Variants in IFIT3 observed in about 807,000 individuals in gnomAD.
IFIT3 encodes interferon-induced protein with tetratricopeptide repeats 3.
In IFIT3, 2 loss-of-function variants were observed where a neutral mutation model predicts 2.4. The observed-to-expected ratio is 0.82, with a 90% CI of 0.34 to 2.60. The LOEUF (loss-of-function observed/expected upper bound fraction) is 2.60, where lower values mean the gene tolerates loss of function less well. Among genes scored for constraint, IFIT3 ranks in the 30% most tolerant of loss-of-function variants. The pLI, the probability that IFIT3 is intolerant of heterozygous loss-of-function variation, is 0.11. For synonymous variants in IFIT3, 203 were observed against 212.1 expected (o/e 0.96, Z 0.37); for missense variants, 481 against 562.4 (o/e 0.86, Z 1.46).
At chr10:89,329,796 C>G (rs536309620) in intron 1 of IFIT3, among the ~76,000 whole-genome samples, 118 of 152,220 alleles carry the variant, frequency 7.8e-4, no homozygotes, top group Non-Finnish European at 1.4e-3. Flanking sequence ...AAGAGACCAC[C>G]AAACAGGCTT....
At chr10:89,329,319 A>C (rs1843627897) in intron 1 of IFIT3, among the ~76,000 whole-genome samples, 1 of 152,214 alleles carries the variant, frequency 6.6e-6, no homozygotes, top group African/African-American at 2.4e-5. Flanking sequence ...ATATAGAATA[A>C]GTTCCTGGTC....
At chr10:89,336,038 T>C (rs1843733221) in intron 1 of IFIT3, among the ~76,000 whole-genome samples, 1 of 151,876 alleles carries the variant, frequency 6.6e-6, no homozygotes. Flanking sequence ...CACTTTGGTA[T>C]GTCGAGGCAG....
intron 1 of IFIT3, 88 bp downstream of exon 1, chr10:89,328,166 T>C (rs1843617268): frequency 8.1e-7 from 1 of 1,238,760 alleles, no homozygotes; most frequent in Admixed American, 1.7e-5. Flanking sequence ...ATTCCTGAAT[T>C]GTCCTGATGT....
chr10:89,333,336 G>A (rs1843678810), intron 1 of IFIT3, among the ~76,000 whole-genome samples: 1 of 152,148 alleles, frequency 6.6e-6, no homozygotes, highest in African/African-American at 2.4e-5. Context: ...GAGTAAAACA[G>A]AAATAAGGTC....
chr10:89,331,232 G>A (rs962413739), intron 1 of IFIT3, among the ~76,000 whole-genome samples: 7 of 152,130 alleles, frequency 4.6e-5, no homozygotes, highest in Admixed American at 1.3e-4. Flanking sequence ...GAGTGCAGTG[G>A]CCCGATCATG....
At chr10:89,329,943 G>A (rs941078299) in intron 1 of IFIT3, among the ~76,000 whole-genome samples, 2 of 152,118 alleles carry the variant, frequency 1.3e-5, no homozygotes, top group African/African-American at 2.4e-5. Context: ...TCAAAGGGGG[G>A]TTGTTCTCTG....
At chr10:89,333,224 T>A (rs1480594838) in intron 1 of IFIT3, among the ~76,000 whole-genome samples, 1 of 152,208 alleles carries the variant, frequency 6.6e-6, no homozygotes, top group East Asian at 1.9e-4. Context: ...AGGTGTTGCT[T>A]GCAGTCTCTC....
intron 1 of IFIT3, among the ~76,000 whole-genome samples, chr10:89,337,718 G>A (rs919736844): frequency 6.6e-6 from 1 of 152,192 alleles, no homozygotes; most frequent in Non-Finnish European, 1.5e-5. Flanking sequence ...ATTGAGCAGC[G>A]TGAGAGAGAT....
chr10:89,338,560 G>C, intron 1 of IFIT3, 101 bp from the exon 2 acceptor site: 1 of 1,105,838 alleles, frequency 9.0e-7, no homozygotes, highest in Non-Finnish European at 1.3e-6. Context: ...CAAATATCTG[G>C]GCATCCTGTG....
At chr10:89,332,678 T>C in intron 1 of IFIT3, 1 of 1,560,386 alleles carries the variant, frequency 6.4e-7, no homozygotes, top group Middle Eastern at 1.7e-4. Context: ...TATGTACAAC[T>C]TCCTGACTTA....
Position 89,340,226 on chromosome 10 carries a change from AG to A in IFIT3, c.*101del. On this transcript the variant is annotated 3_prime_UTR_variant, in exon 2 of 2. Transcript: ENST00000371818. ...GGGCCCCAACCTGGGATTGCTGAGCAGGGAAGCTTTGCATGTTGCTCTAAGG... is the reference window on the plus strand; with the variant it reads ...GGGCCCCAACCTGGGATTGCTGAGCAGGAAGCTTTGCATGTTGCTCTAAGG... 1.5e-6 allele frequency: 2 copies of A among 1,300,662 alleles called. No individual in the cohort carries two copies. Among genetic ancestry groups the A allele is most frequent in the South Asian group, 3.0e-5 (2 of 65,580 alleles). 80.6% of individuals were successfully genotyped at this position (1,300,662 alleles called of 1,614,324 possible).
rs778736656 is a variant in IFIT3, at chr10:89,339,625, A to C, written c.970A>C (p.Lys324Gln). 1.4e-5 allele frequency: 22 copies of C among 1,614,104 alleles called. No homozygotes were observed. Among genetic ancestry groups the C allele is most frequent in the Non-Finnish European group, 1.8e-5 (21 of 1,180,046 alleles). The change falls in exon 2 of 2, where the codon AAG becomes CAG. Residue 324 changes from lysine (K) to glutamine (Q), a missense_variant. Transcript: ENST00000371818. ...AMDYSNKALEKGLNPLNAYSD... is the reference protein window; with the variant it reads ...AMDYSNKALEQGLNPLNAYSD... ...GGACTATTCGAATAAAGCTCTTGAG[A>C]AGGGACTGAATCCTCTGAATGCATA...
At chr10:89,338,626 G>A in intron 1 of IFIT3, 35 bp from the exon 2 acceptor site, 4 of 1,583,876 alleles carry the variant, frequency 2.5e-6, no homozygotes, top group East Asian at 2.2e-5. Context: ...GCTTGGCAGT[G>A]TACATCACAG....
Position 89,340,195 on chromosome 10 carries a change from G to C in IFIT3, c.*67G>C, listed in dbSNP as rs1589614032. 1 of 1,490,620 alleles carries C rather than the reference G, an allele frequency of 6.7e-7. No homozygotes were observed. Among genetic ancestry groups the C allele is most frequent in the East Asian group, 2.3e-5 (1 of 43,378 alleles). The allele number at this position is 1,490,620 out of a possible 1,614,324, so 92.3% of individuals were successfully genotyped here. A position where few individuals can be genotyped will look rare whatever the true frequency, so the allele number is the denominator to read the frequency against. ...GTTGTGACGGGTAGGACGATAGGAA[G>C]ACAGGGGGCCCCAACCTGGGATTGC... On this transcript the variant is annotated 3_prime_UTR_variant, in exon 2 of 2. Transcript: ENST00000371818.
Position 89,339,453 on chromosome 10 carries a change from G to C in IFIT3, c.798G>C (p.Arg266=). ...ACAAAGCTATTGAACTGTTTCAACG[G>C]GTGTTGGAATCCACACCAAACAATG... The part of the protein sequence containing the change: ...DLDKAIELFQ[R]VLESTPNNGY... Residue 266 remains arginine (R), a synonymous_variant, in exon 2 of 2, where the codon CGG becomes CGC. Transcript: ENST00000371818. 6.2e-7 allele frequency: 1 copy of C among 1,614,106 alleles called. No homozygotes were observed. The highest frequency in any genetic ancestry group is 8.5e-7 in the Non-Finnish European group (1 of 1,180,000).
intron 1 of IFIT3, among the ~76,000 whole-genome samples, chr10:89,329,820 A>G (rs569399440): frequency 4.3e-4 from 66 of 152,316 alleles, no homozygotes; most frequent in African/African-American, 1.4e-3. Context: ...GTGAGCAACA[A>G]GGCTGTTTAT....
At chr10:89,331,857 TCAAAAAA>T (rs1843655342) in intron 1 of IFIT3, among the ~76,000 whole-genome samples, 1 of 79,090 alleles carries the variant, frequency 1.3e-5, no homozygotes, top group African/African-American at 5.9e-5. Flanking sequence ...AGATCCTGTC[TCAAAAAA>T]AAAAAAAAAA....
At position 89,338,937 on chromosome 10, in the gene IFIT3, A is replaced by G; in HGVS notation, c.282A>G (p.Leu94=). ...EHADQAEIRS[L]VTWGNYAWVY... is the part of the protein sequence containing the mutation. ...CTGACCAAGCAGAAATCAGAAGTCTAGTCACTTGGGGAAACTACGCCTGGG... is the reference window on the plus strand; with the variant it reads ...CTGACCAAGCAGAAATCAGAAGTCTGGTCACTTGGGGAAACTACGCCTGGG... Residue 94 remains leucine, a synonymous_variant, in exon 2 of 2, where the codon CTA becomes CTG. Transcript: ENST00000371818. The G allele has an allele frequency of 6.2e-7, 1 of 1,614,194 alleles. No homozygotes were observed. Among genetic ancestry groups the G allele is most frequent in the Non-Finnish European group, 8.5e-7 (1 of 1,180,024 alleles).
chr10:89,331,773 C>T (rs1843654193), intron 1 of IFIT3, among the ~76,000 whole-genome samples: 2 of 148,192 alleles, frequency 1.3e-5, no homozygotes, highest in African/African-American at 2.5e-5. Context: ...ATGGGAGGAT[C>T]GCTTGAGCCT....
Sources: gnomAD v4.1 joint callset for allele counts (sites outside exome capture counted in the v4.1 genomes callset) on GRCh38, gnomAD v4.1.1 for gene constraint, MANE v1.5 for transcripts, NCBI Gene and HGNC (gene_info 2026-07-23, HGNC 2026-07-21) for gene names.